VASH2: variants seen among roughly 807,000 people sequenced by gnomAD.
VASH2 encodes tubulinyl-Tyr carboxypeptidase 2.
A neutral mutation model predicts 37.2 loss-of-function variants in VASH2; 28 were observed. The ratio of observed to expected loss-of-function variants is 0.75; its 90% confidence interval spans 0.56 to 1.03. The LOEUF is 1.03. VASH2 is among the 50% of genes least tolerant of loss of function. The pLI is 0.00. For missense variants in VASH2, 419 were observed against 459.1 expected (o/e 0.91, Z 0.80); for synonymous variants, 188 against 174.7 (o/e 1.08, Z -0.60).
At chr1:212,973,228 T>C (rs1260514849) in intron 6 of VASH2, among the ~76,000 whole-genome samples, 1 of 152,218 alleles carries the variant, frequency 6.6e-6, no homozygotes, top group African/African-American at 2.4e-5. Context: ...TTGTTCTGTT[T>C]TGTCGATGTA....
chr1:212,988,541 A>G lies in VASH2; in HGVS notation c.1025A>G (p.Asp342Gly). 1.9e-6 allele frequency: 3 copies of G among 1,614,162 alleles called. No homozygotes were observed. The highest frequency in any genetic ancestry group is 2.5e-6 in the Non-Finnish European group (3 of 1,180,018). ...SPALPEKKVADLSTLNEVGYQ... is the reference protein window; with the variant it reads ...SPALPEKKVAGLSTLNEVGYQ... Reference sequence around the variant, plus strand: ...GCACTGCCTGAAAAGAAGGTGGCTGATCTGAGCACTCTGAATGAAGTGGGC... The same window carrying G: ...GCACTGCCTGAAAAGAAGGTGGCTGGTCTGAGCACTCTGAATGAAGTGGGC... Residue 342 changes from aspartate (D) to glycine (G), a missense_variant, in exon 8 of 8, where the codon GAT becomes GGT. Transcript: ENST00000517399.
In VASH2 at chr1:212,991,163, T is replaced by C. The variant is rs537724731; in HGVS notation, c.*2579T>C. The C allele has an allele frequency of 1.6e-4, 19 of 116,422 alleles. No individual in the cohort carries two copies. The highest frequency in any genetic ancestry group is 5.7e-4 in the African/African-American group (18 of 31,736). 7.2% of individuals were successfully genotyped at this position (116,422 alleles called of 1,614,324 possible). On this transcript the variant is annotated 3_prime_UTR_variant, in exon 8 of 8. Transcript: ENST00000517399. ...TTTTGAGTACACTTTATTTCGGAGA[T>C]ATTTAGTATTTTCTATACACTCTGA...
chr1:212,988,485 C>T (rs759566049), intron 7 of VASH2, 27 bp from the exon 8 acceptor site: 1 of 1,612,350 alleles, frequency 6.2e-7, no homozygotes, highest in Non-Finnish European at 8.5e-7. Flanking sequence ...CCCTCTCCTC[C>T]ACCATATTTC....
In VASH2 at chr1:212,983,798, C is replaced by T. The variant is rs1327033669; in HGVS notation, c.996-4714C>T. On this transcript the variant is annotated intron_variant, in intron 7 of 7. Transcript: ENST00000517399. Reference sequence around the variant, plus strand: ...AGCCAAGGTGCAGAGGCAGGAGTGGCCATGGTGTCCTTCTCAGATGCTTGG... The same window carrying T: ...AGCCAAGGTGCAGAGGCAGGAGTGGTCATGGTGTCCTTCTCAGATGCTTGG... Among the ~76,000 whole-genome samples the T allele has an allele frequency of 2.0e-5, 3 of 152,128 alleles. No individual in the cohort carries two copies. In the East Asian group the frequency reaches 5.8e-4, roughly 29 times the overall value.
intron 7 of VASH2, among the ~76,000 whole-genome samples, chr1:212,985,043 A>G (rs1667437733): frequency 6.6e-6 from 1 of 151,808 alleles, no homozygotes; most frequent in African/African-American, 2.4e-5. Flanking sequence ...CTTTTTTGAG[A>G]TAGGGTCTTG....
chr1:212,965,702 C>T lies in VASH2; in HGVS notation c.366-20C>T. 2.6e-6 allele frequency: 4 copies of T among 1,547,770 alleles called. No individual in the cohort carries two copies. Among genetic ancestry groups the T allele is most frequent in the South Asian group, 1.2e-5 (1 of 83,748 alleles). ...ACCTTTGGAGTTTTCTGTCACTTTC[C>T]CTTTACATACTTTACACAGATATAA... On this transcript the variant is annotated intron_variant, in intron 3 of 7. Transcript: ENST00000517399.
In VASH2 at chr1:212,990,018, C is replaced by T. The variant is rs1437031314; in HGVS notation, c.*1434C>T. 1.3e-5 allele frequency: 2 copies of T among 151,760 alleles called. No homozygotes were observed. The highest frequency in any genetic ancestry group is 2.9e-5 in the Non-Finnish European group (2 of 67,960). The allele number at this position is 151,760 out of a possible 1,614,324, so 9.4% of individuals were successfully genotyped here. The stretch of plus-strand genomic sequence containing the variant: ...AGATGTTATTTCAGTCTCAGTGCAT[C>T]TCCTCTGGCTTTCTTTGACTGAAGG... On this transcript the variant is annotated 3_prime_UTR_variant, in exon 8 of 8. Transcript: ENST00000517399.
chr1:212,971,538 C>T lies in VASH2; in HGVS notation c.498-1042C>T, dbSNP rs1486184882. 2.0e-5 allele frequency among the ~76,000 whole-genome samples: 3 copies of T among 152,174 alleles called. No homozygotes were observed. Among genetic ancestry groups the T allele is most frequent in the African/African-American group, 7.2e-5 (3 of 41,436 alleles). ...TAAGCAGCTAAGGAATGCCCTTGTT[C>T]CAGCCCCAGAGAACTTGCCCCAGAA... On this transcript the variant is annotated intron_variant, in intron 5 of 7. Transcript: ENST00000517399. This position sits in a 1 kb window ranked among gnomAD's most constrained non-coding sequence, Gnocchi z 4.0.
At chr1:212,952,038 C>T (rs576883009) in intron 2 of VASH2, among the ~76,000 whole-genome samples, 1 of 152,278 alleles carries the variant, frequency 6.6e-6, no homozygotes, top group Admixed American at 6.5e-5. Context: ...GCTTGCTATC[C>T]TGGGACTGTG....
Position 212,951,912 on chromosome 1 carries a change from CA to C in VASH2, c.276+95del. The C allele has an allele frequency of 7.2e-7, 1 of 1,394,540 alleles. No individual in the cohort carries two copies. The highest frequency in any genetic ancestry group is 9.6e-7 in the Non-Finnish European group (1 of 1,036,716). The allele number at this position is 1,394,540 out of a possible 1,614,324, so 86.4% of individuals were successfully genotyped here. A position where few individuals can be genotyped will look rare whatever the true frequency, so the allele number is the denominator to read the frequency against. On this transcript the variant is annotated intron_variant, in intron 2 of 7. Transcript: ENST00000517399. This position sits in a 1 kb window ranked among gnomAD's most constrained non-coding sequence, Gnocchi z 4.4. Reference sequence around the variant, plus strand: ...ATACATAGCAAACACAGGCAATCTCCATTTTCCTAGTCCTGCTACAAACTCC... The same window carrying C: ...ATACATAGCAAACACAGGCAATCTCCTTTTCCTAGTCCTGCTACAAACTCC...
intron 5 of VASH2, 68 bp from the exon 6 acceptor site, chr1:212,972,512 C>T (rs757985358): frequency 4.6e-5 from 73 of 1,574,344 alleles, no homozygotes; most frequent in African/African-American, 6.9e-5. Context: ...AGACACTTTC[C>T]CTTCCTTTGC....
intron 6 of VASH2, chr1:212,973,650 GCAAA>G (rs1667078214): frequency 3.2e-6 from 4 of 1,235,526 alleles, no homozygotes; most frequent in South Asian, 1.5e-5. Flanking sequence ...AACTTGCCAA[GCAAA>G]CAAACACAGC....
In VASH2 at chr1:212,988,676, G is replaced by A. The variant is rs2075823798; in HGVS notation, c.*92G>A. Reference sequence around the variant, plus strand: ...AGGAGGAACTGCAACTATTTATTAAGAACTTGTGAATTTTATTTTTAAGGA... The same window carrying A: ...AGGAGGAACTGCAACTATTTATTAAAAACTTGTGAATTTTATTTTTAAGGA... On this transcript the variant is annotated 3_prime_UTR_variant, in exon 8 of 8. Transcript: ENST00000517399. The A allele has an allele frequency of 7.7e-7, 1 of 1,292,468 alleles. No homozygotes were observed. Among genetic ancestry groups the A allele is most frequent in the Admixed American group, 1.9e-5 (1 of 53,332 alleles). 80.1% of individuals were successfully genotyped at this position (1,292,468 alleles called of 1,614,324 possible). A position where few individuals can be genotyped will look rare whatever the true frequency, so the allele number is the denominator to read the frequency against.
At chr1:212,956,456 T>TA (rs1384012102) in intron 2 of VASH2, among the ~76,000 whole-genome samples, 6 of 152,158 alleles carry the variant, frequency 3.9e-5, no homozygotes, top group African/African-American at 1.4e-4. Context: ...GCTGTGGGGC[T>TA]AACGTAGGCA....
chr1:212,969,258 T>G, intron 5 of VASH2: 1 of 921,962 alleles, frequency 1.1e-6, no homozygotes, highest in African/African-American at 1.8e-5. Flanking sequence ...AGTGGCGAGA[T>G]CTCAGCTCAC....
At chr1:212,958,135 C>T (rs56132207) in intron 2 of VASH2, among the ~76,000 whole-genome samples, 8,009 of 152,236 alleles carry the variant, frequency 0.053, 276 homozygotes, top group Middle Eastern at 0.088. Flanking sequence ...AATGACACTC[C>T]GGGAAGCCCA....
intron 2 of VASH2, among the ~76,000 whole-genome samples, chr1:212,954,058 G>A (rs549572797): frequency 4.0e-5 from 6 of 151,804 alleles, no homozygotes; most frequent in African/African-American, 1.5e-4. Flanking sequence ...CTACAGACAC[G>A]TACCACCCAA....
chr1:212,954,708 G>C (rs1372630228), intron 2 of VASH2, among the ~76,000 whole-genome samples: 2 of 152,156 alleles, frequency 1.3e-5, no homozygotes, highest in African/African-American at 4.8e-5. Context: ...GTGAGCCACT[G>C]CGCCCAGCTG....
Position 212,951,651 on chromosome 1 carries a change from G to T in VASH2, c.109G>T (p.Gly37Cys). Residue 37 changes from glycine (G) to cysteine (C), a missense_variant, in exon 2 of 8, where the codon GGC becomes TGC. This residue lies in a region of VASH2 where 158 missense variants were observed against 163.0 expected (regional missense o/e 0.97). Coordinates refer to ENST00000517399, the MANE Select transcript of VASH2 (RefSeq NM_001301056.2). This position sits in a 1 kb window ranked among gnomAD's most constrained non-coding sequence, Gnocchi z 4.4. ...GCCCGTGAGCCTCGCCACCAGCGGG[G>T]GCTCAGAGGAGGAGGACAAAGACGG... ...ARPVSLATSG[G>C]SEEEDKDGGV... 1 of 1,587,280 alleles carries T rather than the reference G, an allele frequency of 6.3e-7. No individual in the cohort carries two copies. The highest frequency in any genetic ancestry group is 8.6e-7 in the Non-Finnish European group (1 of 1,167,714).
Sources: allele counts gnomAD v4.1 joint callset (sites outside exome capture counted in the v4.1 genomes callset), GRCh38; gene constraint gnomAD v4.1.1; regional missense constraint gnomAD v4.1.1; non-coding constraint Gnocchi (gnomAD v3.1); transcripts MANE v1.5; gene names NCBI Gene and HGNC (gene_info 2026-07-23, HGNC 2026-07-21).